The following WWTR1 variants were observed in gnomAD, a reference collection of about 807,000 sequenced individuals.
The protein encoded by WWTR1 is WW domain-containing transcription regulator protein 1.
WWTR1 carries 13 observed loss-of-function variants against 40.1 expected under a neutral mutation model. The ratio of observed to expected loss-of-function variants is 0.32; its 90% confidence interval spans 0.21 to 0.52. WWTR1 has a LOEUF of 0.52. Among genes scored for constraint, WWTR1 ranks in the 20% least tolerant of loss-of-function variants. The probability of loss-of-function intolerance (pLI) is 0.97; values close to 1 mark genes in which losing one functional copy is unlikely to be tolerated. For synonymous variants in WWTR1, 230 were observed against 210.1 expected, an observed-to-expected ratio of 1.09 and a Z score of -0.82; for missense variants, 436 against 523.1, an observed-to-expected ratio of 0.83 and a Z score of 1.63.
chr3:149,669,458 A>G (rs560847884), intron 2 of WWTR1, among the ~76,000 whole-genome samples: 1 of 152,330 alleles, frequency 6.6e-6, no homozygotes, highest in African/African-American at 2.4e-5. Flanking sequence ...TAGAAATGTC[A>G]TTTCACTTGA....
At chr3:149,530,355 G>A (rs6795277) in intron 4 of WWTR1, among the ~76,000 whole-genome samples, 21 of 148,646 alleles carry the variant, frequency 1.4e-4, no homozygotes, top group East Asian at 2.0e-4. Context: ...CTCAAAAAAA[G>A]AAAAAAAAAA....
chr3:149,695,756 A>C (rs1229543103), intron 1 of WWTR1, among the ~76,000 whole-genome samples: 1 of 128,128 alleles, frequency 7.8e-6, no homozygotes, highest in South Asian at 2.5e-4. Flanking sequence ...GCAAGGCTCC[A>C]TCTCAAAAAA....
intron 1 of WWTR1, chr3:149,701,743 C>CTGTT (rs1306340118): frequency 1.1e-5 from 2 of 174,568 alleles, no homozygotes; most frequent in East Asian, 1.9e-4. Flanking sequence ...TAACCGTAAG[C>CTGTT]TGTTTAAGTT....
chr3:149,680,323 C>A (rs1052504788), intron 1 of WWTR1, among the ~76,000 whole-genome samples: 1 of 152,178 alleles, frequency 6.6e-6, no homozygotes, highest in Non-Finnish European at 1.5e-5. Context: ...GCAGGCAGAT[C>A]ACCTGAGGTC....
At chr3:149,604,681 G>A (rs886975726) in intron 2 of WWTR1, among the ~76,000 whole-genome samples, 2 of 152,220 alleles carry the variant, frequency 1.3e-5, no homozygotes, top group Non-Finnish European at 2.9e-5. Flanking sequence ...TATGTGAGGG[G>A]CAGATGCAGG....
intron 3 of WWTR1, among the ~76,000 whole-genome samples, chr3:149,564,832 T>C (rs1737237764): frequency 6.6e-6 from 1 of 152,214 alleles, no homozygotes; most frequent in East Asian, 1.9e-4. Flanking sequence ...AATTAGAATG[T>C]TACAACAAAG....
chr3:149,577,887 C>T (rs1737958905), intron 2 of WWTR1, among the ~76,000 whole-genome samples: 1 of 152,076 alleles, frequency 6.6e-6, no homozygotes, highest in Admixed American at 6.6e-5. Flanking sequence ...CTCCAGTTTC[C>T]TCCTCTCAAG....
chr3:149,581,714 G>T (rs902852849), intron 2 of WWTR1, among the ~76,000 whole-genome samples: 16 of 152,088 alleles, frequency 1.1e-4, no homozygotes, highest in African/African-American at 3.9e-4. Context: ...TCTAATCCTC[G>T]ACTTCCCTCA....
In WWTR1 at chr3:149,548,172, C is replaced by T. The variant is rs75435085; in HGVS notation, c.569-5635G>A. Among the ~76,000 whole-genome samples the T allele has an allele frequency of 9.9e-5, 15 of 152,248 alleles. 1 individual carries two copies. In the East Asian group the frequency reaches 2.5e-3, roughly 25 times the overall value. On this transcript the variant is annotated intron_variant, in intron 3 of 6. Coordinates refer to ENST00000360632, the MANE Select transcript of WWTR1 (RefSeq NM_015472.6). ...AAGTGTATGCTCAAGGCAAGAAAGTCGCCCGGACTCAATTCTAAGCCAGCA... is the reference window on the plus strand; with the variant it reads ...AAGTGTATGCTCAAGGCAAGAAAGTTGCCCGGACTCAATTCTAAGCCAGCA...
intron 2 of WWTR1, among the ~76,000 whole-genome samples, chr3:149,600,065 A>G (rs1478092122): frequency 2.0e-5 from 3 of 152,230 alleles, no homozygotes; most frequent in Non-Finnish European, 4.4e-5. Context: ...TCTAGAGATG[A>G]TTTAAAGTAT....
chr3:149,711,530 A>G (rs1277801164), intron 5 of WWTR1, among the ~76,000 whole-genome samples: 3 of 152,184 alleles, frequency 2.0e-5, no homozygotes, highest in Non-Finnish European at 4.4e-5. Flanking sequence ...GCTTCTGGGC[A>G]TATACAACCT....
exon 4 of WWTR1, chr3:149,724,185 CA>C (rs35419350): frequency 6.6e-6 from 1 of 152,062 alleles, no homozygotes; most frequent in Non-Finnish European, 1.5e-5. Context: ...TCCTTATTTT[CA>C]AAAACTTTTT....
At chr3:149,706,792 G>A (rs1468633404), upstream of WWTR1, among the ~76,000 whole-genome samples, 1 of 152,124 alleles carries the variant, frequency 6.6e-6, no homozygotes, top group African/African-American at 2.4e-5. Flanking sequence ...GAGCTGGCAG[G>A]ACTTCTAGGA....
At chr3:149,560,885 G>A (rs1235652050) in intron 3 of WWTR1, among the ~76,000 whole-genome samples, 3 of 152,052 alleles carry the variant, frequency 2.0e-5, no homozygotes, top group Non-Finnish European at 4.4e-5. Flanking sequence ...AGAGTTAGTG[G>A]GAAAGCTAGG....
chr3:149,533,047 A>C (rs1223308134), intron 4 of WWTR1, among the ~76,000 whole-genome samples: 1 of 152,184 alleles, frequency 6.6e-6, no homozygotes, highest in Non-Finnish European at 1.5e-5. Context: ...CAGGAAAACA[A>C]ACGCTAAGCT....
chr3:149,639,496 C>T (rs1045529695), intron 2 of WWTR1, among the ~76,000 whole-genome samples: 2 of 152,178 alleles, frequency 1.3e-5, no homozygotes, highest in African/African-American at 2.4e-5. Flanking sequence ...GTGTGAGCCA[C>T]GACAACCTAA....
At chr3:149,697,565 C>T (rs566270718) in intron 1 of WWTR1, among the ~76,000 whole-genome samples, 9 of 152,284 alleles carry the variant, frequency 5.9e-5, no homozygotes, top group South Asian at 4.1e-4. Flanking sequence ...CCACCAACAC[C>T]GGAGATTACA....
chr3:149,568,557 AAAAC>A (rs1737462719), intron 3 of WWTR1, among the ~76,000 whole-genome samples: 8 of 140,190 alleles, frequency 5.7e-5, no homozygotes, highest in African/African-American at 1.9e-4. Flanking sequence ...AAAAAAAAAA[AAAAC>A]CATATTTTTG....
At chr3:149,558,629 C>A (rs529211837) in intron 3 of WWTR1, among the ~76,000 whole-genome samples, 2 of 152,170 alleles carry the variant, frequency 1.3e-5, no homozygotes, top group South Asian at 4.1e-4. Context: ...TGATAGGATT[C>A]AATGAGAAGA....
Sources: allele counts gnomAD v4.1 joint callset (sites outside exome capture counted in the v4.1 genomes callset), GRCh38; gene constraint gnomAD v4.1.1; transcripts MANE v1.5; gene names NCBI Gene and HGNC (gene_info 2026-07-23, HGNC 2026-07-21).